GIN1: variants seen among roughly 807,000 people sequenced by gnomAD.
GIN1 encodes the protein gypsy retrotransposon integrase-like protein 1.
A neutral mutation model predicts 51.4 loss-of-function variants in GIN1; 41 were observed. The ratio of observed to expected loss-of-function variants is 0.80; its 90% CI spans 0.62 to 1.04. The LOEUF is 1.04. Ranked by LOEUF, GIN1 falls within the 50% of genes least tolerant of loss-of-function variation. GIN1 has a pLI of 0.00. For missense variants in GIN1, 610 were observed against 612.4 expected, an observed-to-expected ratio of 1.00 and a Z score of 0.04; for synonymous variants, 222 against 206.5, an observed-to-expected ratio of 1.07 and a Z score of -0.64.
At chr5:103,115,152 A>G (rs577071453) in intron 1 of GIN1, among the ~76,000 whole-genome samples, 2 of 152,298 alleles carry the variant, frequency 1.3e-5, no homozygotes, top group South Asian at 2.1e-4. Context: ...ACAACGTTGG[A>G]GACAGGATAA....
At chr5:103,101,258 A>G (rs1787566312) in intron 4 of GIN1, among the ~76,000 whole-genome samples, 1 of 152,234 alleles carries the variant, frequency 6.6e-6, no homozygotes, top group South Asian at 2.1e-4. Flanking sequence ...GGGAGAGAGT[A>G]GCATATACAA....
At chr5:103,098,915 G>C (rs1002625461) in intron 4 of GIN1, among the ~76,000 whole-genome samples, 14 of 152,014 alleles carry the variant, frequency 9.2e-5, no homozygotes, top group South Asian at 2.1e-4. Flanking sequence ...ATTATGTGTA[G>C]CACTTAAAAT....
rs1787404658 is a variant in GIN1 at position 103,096,716 on chromosome 5, T to C, written c.1119A>G (p.Gln373=). 1 of 1,614,086 alleles carries C rather than the reference T, an allele frequency of 6.2e-7. No individual in the cohort carries two copies. Among genetic ancestry groups the C allele is most frequent in the Non-Finnish European group, 8.5e-7 (1 of 1,179,952 alleles). ...HLKVGHEVLR[Q]RKNWWKDGRF... Reference sequence around the variant, plus strand: ...GACCATCCTTCCACCAATTTTTCCTTTGTCTTAAAACTTCATGACCCACTT... The same window carrying C: ...GACCATCCTTCCACCAATTTTTCCTCTGTCTTAAAACTTCATGACCCACTT... Residue 373 remains glutamine (Q), a synonymous_variant, in exon 7 of 8, where the codon CAA becomes CAG. Coordinates refer to ENST00000399004, the MANE Select transcript of GIN1 (RefSeq NM_017676.2).
chr5:103,105,764 G>A (rs1186996683), intron 3 of GIN1, among the ~76,000 whole-genome samples: 1 of 152,122 alleles, frequency 6.6e-6, no homozygotes, highest in Non-Finnish European at 1.5e-5. Context: ...TATAGTCACA[G>A]TTACTTTTGA....
chr5:103,103,783 G>A (rs1271170602), intron 4 of GIN1, among the ~76,000 whole-genome samples: 1 of 151,944 alleles, frequency 6.6e-6, no homozygotes, highest in African/African-American at 2.4e-5. Flanking sequence ...CAATCATAGT[G>A]TTATTATTAT....
intron 6 of GIN1, 25 bp from the exon 7 acceptor site, chr5:103,096,851 C>A: frequency 3.5e-6 from 5 of 1,444,860 alleles, no homozygotes; most frequent in Middle Eastern, 1.8e-4. Context: ...AGAAAAAGAA[C>A]AAAGAGATGA....
rs782246043 is a variant in GIN1 at position 103,104,846 on chromosome 5, C to T, written c.334G>A (p.Val112Ile). 3.2e-6 allele frequency: 5 copies of T among 1,560,286 alleles called. No individual in the cohort carries two copies. The highest frequency in any genetic ancestry group is 8.7e-7 in the Non-Finnish European group (1 of 1,144,642). Residue 112 changes from valine to isoleucine, a missense_variant and splice_region_variant, in exon 4 of 8, where the codon GTA becomes ATA. Physicochemically the swap from Val to Ile is conservative, Grantham distance 29. Coordinates refer to ENST00000399004, the MANE Select transcript of GIN1 (RefSeq NM_017676.2). ...TSVTNDVKQW[V>I]YACQHCQVAK... ...ACTTGGCAATGCTGACAAGCATATA[C>T]CTACAACAGGCACACAATAAAGAAA...
chr5:103,106,878 T>G lies in GIN1; in HGVS notation c.171A>C (p.Arg57Ser), dbSNP rs1554196356. The change falls in exon 3 of 8, where the codon AGA becomes AGC. Residue 57 changes from arginine to serine, a missense_variant. Arg to Ser is a moderately radical substitution (Grantham distance 110). Transcript: ENST00000399004. ...AAACAATTACCAAACGATTTTGTTT[T>G]CTGTCTTTTCCAACATAAAACAGCT... Reference protein sequence around the residue: ...EKKLFYVGKDRKQNRLVIVSE... With the variant: ...EKKLFYVGKDSKQNRLVIVSE... 4 of 1,583,894 alleles carry G rather than the reference T, an allele frequency of 2.5e-6. No homozygotes were observed. The highest frequency in any genetic ancestry group is 3.4e-6 in the Non-Finnish European group (4 of 1,166,522).
intron 1 of GIN1, among the ~76,000 whole-genome samples, chr5:103,116,388 C>T (rs781934805): frequency 2.0e-4 from 31 of 152,048 alleles, no homozygotes; most frequent in Non-Finnish European, 3.8e-4. Context: ...AAAGGATAAT[C>T]TTTTCAACAA....
At chr5:103,113,678 T>C (rs1787946306) in intron 1 of GIN1, among the ~76,000 whole-genome samples, 1 of 152,038 alleles carries the variant, frequency 6.6e-6, no homozygotes, top group South Asian at 2.1e-4. Flanking sequence ...CATGCCACCA[T>C]GCCCAGCTAA....
At chr5:103,089,331 C>T (rs1554194266) in intron 7 of GIN1, among the ~76,000 whole-genome samples, 1 of 152,140 alleles carries the variant, frequency 6.6e-6, no homozygotes, top group African/African-American at 2.4e-5. Flanking sequence ...AACTCTTTTA[C>T]CAAAGCTGAT....
At chr5:103,110,599 G>A (rs1268605950) in intron 1 of GIN1, among the ~76,000 whole-genome samples, 3 of 152,090 alleles carry the variant, frequency 2.0e-5, no homozygotes, top group African/African-American at 7.2e-5. Flanking sequence ...ACCAAGTGTT[G>A]GTGAAGACAG....
Position 103,097,342 on chromosome 5 carries a change from A to G in GIN1, c.980T>C (p.Met327Thr), listed in dbSNP as rs1198940121. Residue 327 changes from methionine to threonine, a missense_variant, in exon 6 of 8, where the codon ATG (methionine) becomes ACG (threonine). Physicochemically the swap from Met to Thr is moderately conservative, Grantham distance 81. Coordinates refer to ENST00000399004, the MANE Select transcript of GIN1 (RefSeq NM_017676.2). ...GCCCAGTGAAGTTGTCTTATTCTCC[A>G]TTATTTTATCAGCTTCTTTAATTGC... is the stretch of plus-strand genomic sequence containing the variant. ...LDAIKEADKI[M>T]ENKTTSLGQM... 1 of 1,599,418 alleles carries G rather than the reference A, an allele frequency of 6.3e-7. No homozygotes were observed. The highest frequency in any genetic ancestry group is 8.6e-7 in the Non-Finnish European group (1 of 1,167,984).
rs1243192929 is a variant in GIN1 at position 103,087,961 on chromosome 5, A to C, written c.1506T>G (p.Ser502=). ...ACAGACTGAAAGTCTGCTTTTCAAGAGAACTATGATCGTCTATCAATGGAG... is the reference window on the plus strand; with the variant it reads ...ACAGACTGAAAGTCTGCTTTTCAAGCGAACTATGATCGTCTATCAATGGAG... ...KISPLIDDHS[S]LEKQTFSLLD... is the part of the protein sequence containing the mutation. The change falls in exon 8 of 8, where the codon TCT becomes TCG. Residue 502 remains serine, a synonymous_variant. Coordinates refer to ENST00000399004, the MANE Select transcript of GIN1 (RefSeq NM_017676.2). The C allele has an allele frequency of 6.3e-7, 1 of 1,598,970 alleles. No homozygotes were observed. The highest frequency in any genetic ancestry group is 1.3e-5 in the African/African-American group (1 of 74,608).
Position 103,086,923 on chromosome 5 carries a change from G to C in GIN1, c.*975C>G, listed in dbSNP as rs1219860898. 6.6e-6 allele frequency: 1 copy of C among 152,116 alleles called. No individual in the cohort carries two copies. Among genetic ancestry groups the C allele is most frequent in the Non-Finnish European group, 1.5e-5 (1 of 68,004 alleles). The allele number at this position is 152,116 out of a possible 1,614,324, so 9.4% of individuals were successfully genotyped here. A position where few individuals can be genotyped will look rare whatever the true frequency, so the allele number is the denominator to read the frequency against. The stretch of plus-strand genomic sequence containing the variant: ...ATAGAAATTACAGTTTAAAATCTTT[G>C]ATACTGGTTATTTTATGATTTTATG... On this transcript the variant is annotated 3_prime_UTR_variant, in exon 8 of 8. Transcript: ENST00000399004.
chr5:103,108,872 T>A (rs1339611474), intron 1 of GIN1, among the ~76,000 whole-genome samples, 158 bp from the exon 2 acceptor site: 1 of 152,066 alleles, frequency 6.6e-6, no homozygotes, highest in Admixed American at 6.6e-5. Flanking sequence ...GGAACAGCGA[T>A]GTATATGAAC....
At chr5:103,096,328 GAAACTCTGTCT>G (rs1787391292) in intron 7 of GIN1, among the ~76,000 whole-genome samples, 1 of 151,770 alleles carries the variant, frequency 6.6e-6, no homozygotes. Flanking sequence ...CAGAAAGAGG[GAAACTCTGTCT>G]CAAAAAAAAA....
intron 2 of GIN1, among the ~76,000 whole-genome samples, chr5:103,108,314 T>A (rs1787781672): frequency 6.6e-6 from 1 of 152,124 alleles, no homozygotes; most frequent in Admixed American, 6.6e-5. Flanking sequence ...GCAGAAGTTG[T>A]TAATTTAGAA....
intron 4 of GIN1, among the ~76,000 whole-genome samples, chr5:103,102,056 T>C (rs954055772): frequency 6.6e-6 from 1 of 152,216 alleles, no homozygotes; most frequent in Non-Finnish European, 1.5e-5. Flanking sequence ...CCAAATTTAA[T>C]GTTTTTCCAT....
Sources: allele counts gnomAD v4.1 joint callset (sites outside exome capture counted in the v4.1 genomes callset), GRCh38; gene constraint gnomAD v4.1.1; transcripts MANE v1.5; gene names NCBI Gene and HGNC (gene_info 2026-07-23, HGNC 2026-07-21).